The following INTS4 variants were observed in gnomAD, a reference collection of about 807,000 sequenced individuals.
INTS4 encodes MSTP093.
A neutral mutation model predicts 119.5 loss-of-function variants in INTS4; 70 were observed. The ratio of observed to expected loss-of-function variants is 0.59; its 90% confidence interval spans 0.48 to 0.71. The LOEUF is 0.71. Ranked by LOEUF, INTS4 falls within the 30% of genes least tolerant of loss-of-function variation. The pLI is 0.00. For missense variants in INTS4, 867 were observed against 1,173.2 expected (o/e 0.74, Z 3.81); for synonymous variants, 316 against 419.6 (o/e 0.75, Z 3.02).
chr11:77,882,104 T>G (rs943348993), intron 22 of INTS4, among the ~76,000 whole-genome samples: 3 of 152,058 alleles, frequency 2.0e-5, no homozygotes, highest in African/African-American at 7.2e-5. Flanking sequence ...ATTGTAGAGA[T>G]AGGGTTGCCC....
At chr11:77,964,581 AAAATAAAAATAAAAAAT>A (rs1234104035) in intron 4 of INTS4, among the ~76,000 whole-genome samples, 7 of 151,746 alleles carry the variant, frequency 4.6e-5, no homozygotes, top group Non-Finnish European at 8.8e-5. Flanking sequence ...CTCAAAAATA[AAAATAAAAATAAAAAAT>A]AAATAAAAAT....
intron 15 of INTS4, among the ~76,000 whole-genome samples, chr11:77,916,597 C>T (rs1953209826): frequency 6.6e-6 from 1 of 152,222 alleles, no homozygotes; most frequent in African/African-American, 2.4e-5. Flanking sequence ...AATCACTATA[C>T]TACACCACTG....
intron 21 of INTS4, among the ~76,000 whole-genome samples, chr11:77,887,361 A>G (rs1952058222): frequency 6.6e-6 from 1 of 152,356 alleles, no homozygotes; most frequent in South Asian, 2.1e-4. Context: ...GGCCTTTGAC[A>G]AAATTCAACA....
At chr11:77,916,414 A>G (rs1200664165) in intron 15 of INTS4, among the ~76,000 whole-genome samples, 1 of 152,236 alleles carries the variant, frequency 6.6e-6, no homozygotes, top group Non-Finnish European at 1.5e-5. Flanking sequence ...ACTGGTTACA[A>G]TGGTAAATAT....
chr11:77,978,174 G>C (rs770010345), intron 4 of INTS4: 1 of 152,128 alleles, frequency 6.6e-6, no homozygotes, highest in African/African-American at 2.4e-5. Context: ...TTATAGGTGT[G>C]AGCCACCGCA....
intron 16 of INTS4, among the ~76,000 whole-genome samples, chr11:77,906,930 TTTAA>T (rs1294248508): frequency 1.3e-5 from 2 of 152,222 alleles, no homozygotes; most frequent in Non-Finnish European, 2.9e-5. Flanking sequence ...ACTGAACTCA[TTTAA>T]TTGTTTTTTA....
At chr11:77,965,429 C>T (rs1322954830) in intron 4 of INTS4, among the ~76,000 whole-genome samples, 2 of 152,164 alleles carry the variant, frequency 1.3e-5, no homozygotes, top group Non-Finnish European at 2.9e-5. Context: ...ACCTATTCCT[C>T]CTATTCCTCC....
chr11:77,924,151 T>C (rs1460967026), intron 12 of INTS4, among the ~76,000 whole-genome samples: 4 of 149,322 alleles, frequency 2.7e-5, no homozygotes, highest in Admixed American at 1.3e-4. Context: ...TCCCAGCACT[T>C]TGGGAGGCCG....
chr11:77,896,201 A>C (rs1332726538), intron 18 of INTS4, among the ~76,000 whole-genome samples: 2 of 152,238 alleles, frequency 1.3e-5, no homozygotes, highest in Non-Finnish European at 2.9e-5. Flanking sequence ...GAAACAGCAG[A>C]TGACAAGAAG....
chr11:77,956,710 AAATAATAATAATAATAATAATAATAAT>A lies in INTS4; in HGVS notation c.798-675_798-649del, dbSNP rs199933134. On this transcript the variant is annotated intron_variant, in intron 7 of 22. Transcript: ENST00000534064. ...CAACAGAGCGAGACTCCATCTCAAA[AAATAATAATAATAATAATAATAATAAT>A]AATAATAATAATAATAATAATAAAC... is the stretch of plus-strand genomic sequence containing the variant. 4.1e-5 allele frequency among the ~76,000 whole-genome samples: 4 copies of A among 97,710 alleles called. 1 individual carries two copies. Among genetic ancestry groups the A allele is most frequent in the East Asian group, 5.3e-4 (2 of 3,792 alleles). 64.1% of individuals were successfully genotyped at this position (97,710 alleles called of 152,430 possible).
At chr11:77,986,779 T>C (rs1029883439) in intron 2 of INTS4, among the ~76,000 whole-genome samples, 6 of 151,536 alleles carry the variant, frequency 4.0e-5, no homozygotes, top group East Asian at 3.9e-4. Context: ...TAGGTGGGAA[T>C]TGAACAGTGA....
intron 4 of INTS4, among the ~76,000 whole-genome samples, chr11:77,977,465 AT>A (rs1446762027): frequency 6.6e-6 from 1 of 151,970 alleles, no homozygotes; most frequent in African/African-American, 2.4e-5. Flanking sequence ...AAAAATACTT[AT>A]GTTAGCAAAA....
intron 21 of INTS4, among the ~76,000 whole-genome samples, chr11:77,887,257 G>C (rs546733694): frequency 6.6e-6 from 1 of 152,152 alleles, no homozygotes; most frequent in Non-Finnish European, 1.5e-5. Context: ...GGGATGCAAG[G>C]CTGGTTCAAC....
chr11:77,993,373 C>T (rs1441347679), intron 1 of INTS4, among the ~76,000 whole-genome samples: 4 of 152,006 alleles, frequency 2.6e-5, no homozygotes, highest in Non-Finnish European at 2.9e-5. Context: ...GGGTGGAGAA[C>T]AAAAAGAAAG....
At chr11:77,984,869 G>GA (rs1277460102) in intron 2 of INTS4, among the ~76,000 whole-genome samples, 4 of 102,170 alleles carry the variant, frequency 3.9e-5, no homozygotes, top group East Asian at 5.6e-4. Flanking sequence ...ACCTTGTTAG[G>GA]AAAAAAAAGG....
At chr11:77,886,182 C>T (rs972521964) in intron 21 of INTS4, among the ~76,000 whole-genome samples, 1 of 151,802 alleles carries the variant, frequency 6.6e-6, no homozygotes, top group South Asian at 2.1e-4. Flanking sequence ...CCAGCCCAGG[C>T]AACAGACAGA....
At chr11:77,958,691 G>A (rs1032618398) in intron 7 of INTS4, 55 bp downstream of exon 7, 3 of 1,031,000 alleles carry the variant, frequency 2.9e-6, no homozygotes, top group Non-Finnish European at 4.6e-6. Context: ...TGCATGGTGA[G>A]AGGAGAGGAA....
At chr11:77,935,633 C>T (rs1050181886) in intron 10 of INTS4, among the ~76,000 whole-genome samples, 19 of 152,040 alleles carry the variant, frequency 1.2e-4, no homozygotes, top group Non-Finnish European at 2.4e-4. Context: ...TGGTGGCTTA[C>T]GTCTGTCATC....
chr11:77,885,691 T>C (rs1951975150), intron 21 of INTS4, among the ~76,000 whole-genome samples: 1 of 151,962 alleles, frequency 6.6e-6, no homozygotes, highest in Non-Finnish European at 1.5e-5. Flanking sequence ...TGGTGGCGTG[T>C]GCCTGTAGTC....
Sources: gnomAD v4.1 joint callset for allele counts (sites outside exome capture counted in the v4.1 genomes callset) on GRCh38, gnomAD v4.1.1 for gene constraint, MANE v1.5 for transcripts, NCBI Gene and HGNC (gene_info 2026-07-23, HGNC 2026-07-21) for gene names.